UNC5C: variants seen among roughly 807,000 people sequenced by gnomAD.
UNC5C encodes the protein unc-5 netrin receptor C.
A neutral mutation model predicts 99.8 loss-of-function variants in UNC5C; 47 were observed. The observed-to-expected ratio is 0.47, with a 90% CI of 0.37 to 0.60. The LOEUF (loss-of-function observed/expected upper bound fraction) is 0.60, where lower values mean the gene tolerates loss of function less well. Ranked by LOEUF, UNC5C falls within the 20% of genes least tolerant of loss-of-function variation. The pLI, the probability that UNC5C is intolerant of heterozygous loss-of-function variation, is 0.00. For missense variants in UNC5C, 1,062 were observed against 1,165.9 expected, an observed-to-expected ratio of 0.91 and a Z score of 1.30; for synonymous variants, 487 against 452.2, an observed-to-expected ratio of 1.08 and a Z score of -0.98.
At chr4:95,308,874 A>G (rs1242265129) in intron 2 of UNC5C, among the ~76,000 whole-genome samples, 1 of 151,820 alleles carries the variant, frequency 6.6e-6, no homozygotes, top group African/African-American at 2.4e-5. Flanking sequence ...TGGTCTACAA[A>G]TTTAATGAAA....
chr4:95,176,857 A>C (rs1180843150), intron 14 of UNC5C, among the ~76,000 whole-genome samples: 5 of 152,184 alleles, frequency 3.3e-5, no homozygotes, highest in African/African-American at 1.2e-4. Context: ...GCCGCCTTGC[A>C]GTTTGATCTC....
At chr4:95,503,526 T>G (rs551333979) in intron 1 of UNC5C, among the ~76,000 whole-genome samples, 1 of 152,184 alleles carries the variant, frequency 6.6e-6, no homozygotes, top group African/African-American at 2.4e-5. Context: ...TATTAGAGAG[T>G]CATTTGACAT....
chr4:95,387,521 C>G (rs1487780231), intron 1 of UNC5C, among the ~76,000 whole-genome samples: 2 of 152,148 alleles, frequency 1.3e-5, no homozygotes, highest in Non-Finnish European at 2.9e-5. Context: ...AATTTTGAGT[C>G]ACTTTCTGCC....
intron 14 of UNC5C, among the ~76,000 whole-genome samples, chr4:95,176,187 A>T (rs1478605946): frequency 6.6e-6 from 1 of 151,998 alleles, no homozygotes; most frequent in African/African-American, 2.4e-5. Flanking sequence ...CTTTGGTTTG[A>T]ATTTCCTCCC....
chr4:95,428,068 G>A (rs547589713), intron 1 of UNC5C, among the ~76,000 whole-genome samples: 214 of 151,548 alleles, frequency 1.4e-3, no homozygotes, highest in African/African-American at 4.7e-3. Context: ...AAAGGGCTTA[G>A]GGTTTTGTTT....
intron 1 of UNC5C, among the ~76,000 whole-genome samples, chr4:95,537,576 C>T (rs753608229): frequency 1.5e-4 from 23 of 151,924 alleles, no homozygotes; most frequent in Non-Finnish European, 2.2e-4. Flanking sequence ...TGTAAATTTG[C>T]GGTAAAACTT....
intron 1 of UNC5C, among the ~76,000 whole-genome samples, chr4:95,339,573 A>G (rs1320543292): frequency 1.3e-5 from 2 of 152,148 alleles, no homozygotes; most frequent in East Asian, 3.9e-4. Context: ...ACATCCTCTT[A>G]CCACTTTATT....
In UNC5C at chr4:95,177,215, C is replaced by G. The variant is rs540813562; in HGVS notation, c.2451+5682G>C. On this transcript the variant is annotated intron_variant, in intron 14 of 15. Coordinates refer to ENST00000453304, the MANE Select transcript of UNC5C (RefSeq NM_003728.4). ...AATCACCCATCTTATGCGTCGCTCA[C>G]ACTGGGAGCTGTAGACTGGAGCTGT... Among the ~76,000 whole-genome samples the G allele has an allele frequency of 2.4e-4, 36 of 152,322 alleles. No individual in the cohort carries two copies. In the South Asian group the frequency reaches 6.4e-3, roughly 27 times the overall value.
chr4:95,420,735 C>T (rs9307159), intron 1 of UNC5C, among the ~76,000 whole-genome samples: 34,732 of 151,964 alleles, frequency 0.23, 4,325 homozygotes, highest in African/African-American at 0.31. Flanking sequence ...TACACCATCA[C>T]TGTGGGTGAC....
intron 1 of UNC5C, among the ~76,000 whole-genome samples, chr4:95,397,393 C>A (rs1745546606): frequency 6.6e-6 from 1 of 152,090 alleles, no homozygotes; most frequent in South Asian, 2.1e-4. Flanking sequence ...TCCCATTCTA[C>A]CAAGGAGTTT....
In UNC5C at chr4:95,297,611, C is replaced by T. The variant is rs573961288; in HGVS notation, c.490+3995G>A. Among the ~76,000 whole-genome samples, 11 of 152,236 alleles carry T rather than the reference C, an allele frequency of 7.2e-5. No homozygotes were observed. In the South Asian group the frequency reaches 2.3e-3, roughly 32 times the overall value. The stretch of plus-strand genomic sequence containing the variant: ...CTATATTAGGAGTATGGACAAACTG[C>T]TCTGAAAGTATTGAGAAAGGAATGC... On this transcript the variant is annotated intron_variant, in intron 3 of 15. Transcript: ENST00000453304.
At chr4:95,245,555 T>C (rs1739473071) in intron 5 of UNC5C, among the ~76,000 whole-genome samples, 1 of 152,202 alleles carries the variant, frequency 6.6e-6, no homozygotes, top group African/African-American at 2.4e-5. Context: ...TAAAATAATT[T>C]AGCCTTAAAA....
intron 6 of UNC5C, among the ~76,000 whole-genome samples, chr4:95,244,776 T>C (rs3733210): frequency 0.42 from 63,019 of 151,798 alleles, 13,460 homozygotes; most frequent in East Asian, 0.63. Context: ...TTTGTACAAT[T>C]TTGCATGTTT....
intron 1 of UNC5C, among the ~76,000 whole-genome samples, chr4:95,364,961 ATATATT>A (rs1381928542): frequency 6.6e-6 from 1 of 151,920 alleles, no homozygotes; most frequent in Non-Finnish European, 1.5e-5. Context: ...ACTAATATAG[ATATATT>A]TATATTTAAG....
At chr4:95,175,612 A>C (rs1001053520) in intron 14 of UNC5C, among the ~76,000 whole-genome samples, 1 of 151,902 alleles carries the variant, frequency 6.6e-6, no homozygotes, top group African/African-American at 2.4e-5. Flanking sequence ...CTGAGAGATC[A>C]GGTGTTAGTC....
At chr4:95,223,141 G>C (rs1330849506) in intron 7 of UNC5C, among the ~76,000 whole-genome samples, 1 of 152,098 alleles carries the variant, frequency 6.6e-6, no homozygotes, top group African/African-American at 2.4e-5. Context: ...GAATAAGATA[G>C]GGAAAAGTCA....
intron 1 of UNC5C, among the ~76,000 whole-genome samples, chr4:95,518,729 G>C (rs925294292): frequency 6.6e-6 from 1 of 152,164 alleles, no homozygotes; most frequent in Non-Finnish European, 1.5e-5. Context: ...GATCTACTTT[G>C]TGTGAGGTTT....
At chr4:95,212,696 C>T (rs1165711537) in intron 10 of UNC5C, among the ~76,000 whole-genome samples, 2 of 152,282 alleles carry the variant, frequency 1.3e-5, no homozygotes, top group East Asian at 1.9e-4. Context: ...TCACACTGAA[C>T]GCATCCAAAC....
chr4:95,500,350 A>G (rs1721746036), intron 1 of UNC5C, among the ~76,000 whole-genome samples: 1 of 152,086 alleles, frequency 6.6e-6, no homozygotes, highest in Non-Finnish European at 1.5e-5. Flanking sequence ...CAGGGACTAT[A>G]GAAGTGTTTT....
Sources: allele counts gnomAD v4.1 joint callset (sites outside exome capture counted in the v4.1 genomes callset), GRCh38; gene constraint gnomAD v4.1.1; transcripts MANE v1.5; gene names NCBI Gene and HGNC (gene_info 2026-07-23, HGNC 2026-07-21).